The following INPP5A variants were observed in gnomAD, a reference collection of about 807,000 sequenced individuals.
INPP5A encodes inositol polyphosphate-5-phosphatase A, also known as 43 kDa inositol polyphosphate 5-phophatase.
In INPP5A, 14 loss-of-function variants were observed where a neutral mutation model predicts 65.2. That is an observed-to-expected ratio of 0.21 (90% CI 0.14 to 0.34). The LOEUF (loss-of-function observed/expected upper bound fraction) is 0.34. Ranked by LOEUF, INPP5A falls within the 10% of genes least tolerant of loss-of-function variation. The probability of loss-of-function intolerance (pLI) is 1.00; values close to 1 mark genes in which losing one functional copy is unlikely to be tolerated. For missense variants in INPP5A, 431 were observed against 545.6 expected (o/e 0.79, Z 2.09); for synonymous variants, 207 against 208.3 (o/e 0.99, Z 0.05).
In INPP5A at chr10:132,677,083, T is replaced by TATTC. The variant is rs542797889; in HGVS notation, c.307-13307_307-13304dup. 1.2e-3 allele frequency among the ~76,000 whole-genome samples: 183 copies of TATTC among 148,486 alleles called. 1 individual carries two copies. The highest frequency in any genetic ancestry group is 4.4e-3 in the African/African-American group (175 of 39,888). On this transcript the variant is annotated intron_variant, in intron 4 of 15. Transcript: ENST00000368594. ...CTGTCCTGAACTGTAGACCCACAGG[T>TATTC]ATTCACATGGTGACCCCCACCATCA...
chr10:132,756,611 A>G (rs1846623432), intron 11 of INPP5A, among the ~76,000 whole-genome samples: 1 of 152,220 alleles, frequency 6.6e-6, no homozygotes, highest in African/African-American at 2.4e-5. Flanking sequence ...AGTCTGGCAC[A>G]CTCAGGGATG....
At position 132,729,757 on chromosome 10, in the gene INPP5A, T is replaced by C. The variant is rs574281292; in HGVS notation, c.732+2852T>C. On this transcript the variant is annotated intron_variant, in intron 9 of 15. Coordinates refer to ENST00000368594, the MANE Select transcript of INPP5A (RefSeq NM_005539.5). ...AAGATTCCCATCACCAATAAACCAG[T>C]GGGATCTTCCACGGCAGCCTTCATG... Among the ~76,000 whole-genome samples the C allele has an allele frequency of 2.0e-5, 3 of 152,244 alleles. No individual in the cohort carries two copies. The South Asian group carries it at 6.2e-4, about 32-fold the overall frequency.
intron 1 of INPP5A, among the ~76,000 whole-genome samples, chr10:132,600,048 C>T (rs1347245526): frequency 6.6e-6 from 1 of 152,202 alleles, no homozygotes; most frequent in African/African-American, 2.4e-5. Context: ...CTGATGTGGC[C>T]TGGAGACATT....
At chr10:132,643,446 G>A (rs371775465) in intron 2 of INPP5A, among the ~76,000 whole-genome samples, 2 of 152,188 alleles carry the variant, frequency 1.3e-5, no homozygotes, top group Non-Finnish European at 2.9e-5. Context: ...GCTGCTGTGA[G>A]CTATGATCAC....
chr10:132,590,309 T>G (rs760102036), intron 1 of INPP5A, among the ~76,000 whole-genome samples: 2 of 152,036 alleles, frequency 1.3e-5, no homozygotes, highest in African/African-American at 2.4e-5. Flanking sequence ...CAGTATCGTC[T>G]CCGTCTGTGA....
intron 13 of INPP5A, among the ~76,000 whole-genome samples, chr10:132,780,146 ATTAAAGATAACTCAG>A (rs1847135906): frequency 6.6e-6 from 1 of 152,212 alleles, no homozygotes; most frequent in Non-Finnish European, 1.5e-5. Flanking sequence ...TTCCCACTGC[ATTAAAGATAACTCAG>A]TTTTACCTGG....
At chr10:132,572,923 C>A (rs568004829) in intron 1 of INPP5A, among the ~76,000 whole-genome samples, 1 of 151,790 alleles carries the variant, frequency 6.6e-6, no homozygotes, top group Non-Finnish European at 1.5e-5. Flanking sequence ...TCATACACAG[C>A]TACTTTTTGT....
chr10:132,766,528 G>A (rs1318163146), intron 12 of INPP5A, among the ~76,000 whole-genome samples: 1 of 152,126 alleles, frequency 6.6e-6, no homozygotes, highest in East Asian at 1.9e-4. Flanking sequence ...GTGCAGATGT[G>A]CGTGGGGCGT....
At chr10:132,597,899 G>C (rs1412202719) in intron 1 of INPP5A, among the ~76,000 whole-genome samples, 2 of 149,726 alleles carry the variant, frequency 1.3e-5, no homozygotes, top group African/African-American at 4.9e-5. Flanking sequence ...TGTGCTATGC[G>C]TAGTGACTCT....
At chr10:132,590,380 C>T (rs577227881) in intron 1 of INPP5A, among the ~76,000 whole-genome samples, 2 of 152,196 alleles carry the variant, frequency 1.3e-5, no homozygotes, top group East Asian at 1.9e-4. Context: ...ACACTGTCCG[C>T]GCTAGGAGTG....
At chr10:132,670,843 CTTTTTTT>C (rs11289296) in intron 4 of INPP5A, among the ~76,000 whole-genome samples, 1 of 117,022 alleles carries the variant, frequency 8.5e-6, no homozygotes, top group Non-Finnish European at 1.7e-5. Flanking sequence ...GTCTTTCTTT[CTTTTTTT>C]TTTTTTTTTT....
At chr10:132,614,363 A>C (rs1227098688) in intron 2 of INPP5A, among the ~76,000 whole-genome samples, 1 of 152,146 alleles carries the variant, frequency 6.6e-6, no homozygotes, top group East Asian at 1.9e-4. Flanking sequence ...GCTACTTGGG[A>C]GGCTGAGGCA....
intron 1 of INPP5A, among the ~76,000 whole-genome samples, chr10:132,585,263 C>T (rs1289815744): frequency 6.6e-6 from 1 of 152,166 alleles, no homozygotes; most frequent in East Asian, 1.9e-4. Context: ...AAAATGAAAT[C>T]ATTTGTATAC....
In INPP5A at chr10:132,538,088, C is replaced by T; in HGVS notation, c.-9C>T. The T allele has an allele frequency of 8.5e-7, 1 of 1,180,298 alleles. No individual in the cohort carries two copies. Among genetic ancestry groups the T allele is most frequent in the Admixed American group, 4.6e-5 (1 of 21,850 alleles). The allele number at this position is 1,180,298 out of a possible 1,614,324, so 73.1% of individuals were successfully genotyped here. Reference sequence around the variant, plus strand: ...CCGCCCAGCCCAGCGCCCGCGCCGCCCGGGCACCATGGCGGGGAAGGCGGC... The same window carrying T: ...CCGCCCAGCCCAGCGCCCGCGCCGCTCGGGCACCATGGCGGGGAAGGCGGC... On this transcript the variant is annotated 5_prime_UTR_variant, in exon 1 of 16. Coordinates refer to ENST00000368594, the MANE Select transcript of INPP5A (RefSeq NM_005539.5). The surrounding 1 kb of genome is among the most constrained non-coding windows in gnomAD (Gnocchi z 4.1).
At chr10:132,559,942 C>T (rs1366942471) in intron 1 of INPP5A, among the ~76,000 whole-genome samples, 1 of 152,108 alleles carries the variant, frequency 6.6e-6, no homozygotes, top group Non-Finnish European at 1.5e-5. Context: ...ACCTGTGTCT[C>T]CAGCTCTCTC....
rs375585523 is a variant in INPP5A, at chr10:132,726,218, C to T, written c.648-603C>T. 5.2e-4 allele frequency among the ~76,000 whole-genome samples: 79 copies of T among 152,354 alleles called. No homozygotes were observed. In the South Asian group the frequency reaches 0.016, roughly 32 times the overall value. ...TAAAAACATACACACACGTATGCAG[C>T]CACTGTTACCCTCTCACTTTGAAAC... On this transcript the variant is annotated intron_variant, in intron 8 of 15. Transcript: ENST00000368594.
At chr10:132,586,014 C>T (rs757836013) in intron 1 of INPP5A, among the ~76,000 whole-genome samples, 6 of 152,214 alleles carry the variant, frequency 3.9e-5, no homozygotes, top group East Asian at 1.9e-4. Context: ...TGGACCTCGC[C>T]GCTTGTCCCT....
In INPP5A at chr10:132,706,423, G is replaced by A. The variant is rs1024834276; in HGVS notation, c.475-1890G>A. ...ATAAAAATAAACCCATACCTGGATG[G>A]CAGTGAAGCTTCAGAATATTGATGA... On this transcript the variant is annotated intron_variant, in intron 6 of 15. Transcript: ENST00000368594. The surrounding 1 kb of genome is among the most constrained non-coding windows in gnomAD (Gnocchi z 4.7). Among the ~76,000 whole-genome samples the A allele has an allele frequency of 2.0e-5, 3 of 152,232 alleles. No individual in the cohort carries two copies. Among genetic ancestry groups the A allele is most frequent in the Non-Finnish European group, 2.9e-5 (2 of 68,038 alleles).
At chr10:132,765,691 G>A (rs762192047) in intron 11 of INPP5A, 82 bp from the exon 12 acceptor site, 3 of 819,084 alleles carry the variant, frequency 3.7e-6, no homozygotes, top group Non-Finnish European at 6.5e-6. Context: ...GAGCATTTGA[G>A]CGTCCCAGCT....
Sources: gnomAD v4.1 joint callset for allele counts (sites outside exome capture counted in the v4.1 genomes callset) on GRCh38, gnomAD v4.1.1 for gene constraint, Gnocchi (gnomAD v3.1) non-coding constraint, MANE v1.5 for transcripts, NCBI Gene and HGNC (gene_info 2026-07-23, HGNC 2026-07-21) for gene names.